ARHGAP44: variants seen among roughly 807,000 people sequenced by gnomAD.
ARHGAP44 encodes the protein Rho GTPase activating protein 44, also known as rho GTPase-activating protein 44.
In ARHGAP44, 43 loss-of-function variants were observed where a neutral mutation model predicts 106.8. The ratio of observed to expected loss-of-function variants is 0.40; its 90% CI spans 0.32 to 0.52. The LOEUF (loss-of-function observed/expected upper bound fraction) is 0.52. Ranked by LOEUF, ARHGAP44 falls within the 20% of genes least tolerant of loss-of-function variation. ARHGAP44 has a pLI of 0.48. For missense variants in ARHGAP44, 866 were observed against 1,050.5 expected (o/e 0.82, Z 2.43); for synonymous variants, 439 against 410.3 (o/e 1.07, Z -0.85).
chr17:12,961,119 G>A (rs944854326), intron 16 of ARHGAP44, among the ~76,000 whole-genome samples: 2 of 152,088 alleles, frequency 1.3e-5, no homozygotes, highest in Admixed American at 1.3e-4. Context: ...CATCCTCTCT[G>A]CCAGATCTGG....
In ARHGAP44 at chr17:12,908,753, A is replaced by G. The variant is rs545154496; in HGVS notation, c.199-144A>G. 7.5e-5 allele frequency: 47 copies of G among 626,892 alleles called. No homozygotes were observed. In the African/African-American group the frequency reaches 8.6e-4, roughly 12 times the overall value. The allele number at this position is 626,892 out of a possible 1,614,324, so 38.8% of individuals were successfully genotyped here. On this transcript the variant is annotated intron_variant, in intron 3 of 20. Transcript: ENST00000379672. Reference sequence around the variant, plus strand: ...GTCTAACCCATCATGGTGCACTATGAATTTCTATGTTTAAACCTATTTTAA... The same window carrying G: ...GTCTAACCCATCATGGTGCACTATGGATTTCTATGTTTAAACCTATTTTAA...
At chr17:12,967,253 T>C (rs1392269181) in intron 16 of ARHGAP44, among the ~76,000 whole-genome samples, 3 of 50,518 alleles carry the variant, frequency 5.9e-5, no homozygotes, top group African/African-American at 5.3e-4. Context: ...TTTTTGCTTT[T>C]TTTTTTTTTT....
intron 7 of ARHGAP44, among the ~76,000 whole-genome samples, chr17:12,937,124 A>AATT (rs1178382717): frequency 6.6e-6 from 1 of 152,036 alleles, no homozygotes; most frequent in Non-Finnish European, 1.5e-5. Flanking sequence ...TTGTTGTTTT[A>AATT]ATTATTATTA....
intron 1 of ARHGAP44, 99 bp from the exon 2 acceptor site, chr17:12,894,841 C>T: frequency 9.3e-7 from 1 of 1,078,542 alleles, no homozygotes; most frequent in East Asian, 2.7e-5. Flanking sequence ...ACTCATGTCT[C>T]TGTTTTTCTG....
intron 1 of ARHGAP44, among the ~76,000 whole-genome samples, chr17:12,818,295 A>G (rs1039428561): frequency 1.8e-4 from 27 of 146,006 alleles, no homozygotes; most frequent in Admixed American, 6.8e-5. Context: ...CCAAACTAGA[A>G]TTATTAGGAA....
At chr17:12,812,936 TATCTG>T (rs2034481679) in intron 1 of ARHGAP44, among the ~76,000 whole-genome samples, 1 of 152,208 alleles carries the variant, frequency 6.6e-6, no homozygotes, top group African/African-American at 2.4e-5. Context: ...AGTCTCTACT[TATCTG>T]GAGTATTGCC....
chr17:12,845,907 T>C (rs188983910), intron 1 of ARHGAP44, among the ~76,000 whole-genome samples: 126 of 152,316 alleles, frequency 8.3e-4, no homozygotes, highest in African/African-American at 2.8e-3. Flanking sequence ...ATGAAGCCCA[T>C]CTCTGTATAT....
intron 8 of ARHGAP44, among the ~76,000 whole-genome samples, chr17:12,941,547 G>A (rs1297723640): frequency 6.6e-6 from 1 of 152,170 alleles, no homozygotes; most frequent in Non-Finnish European, 1.5e-5. Context: ...TGTCAGTAGG[G>A]CTGACATTAA....
At chr17:12,901,080 T>C (rs1808245) in intron 3 of ARHGAP44, among the ~76,000 whole-genome samples, 112,362 of 151,690 alleles carry the variant, frequency 0.74, 41,964 homozygotes, top group East Asian at 0.98. Flanking sequence ...CCTGCCACCA[T>C]GCCCAGCTAA....
chr17:12,809,226 G>C (rs2034366655), intron 1 of ARHGAP44, among the ~76,000 whole-genome samples: 1 of 152,182 alleles, frequency 6.6e-6, no homozygotes, highest in South Asian at 2.1e-4. Context: ...GAGTCCTCCA[G>C]ACTGTTCCAG....
intron 5 of ARHGAP44, among the ~76,000 whole-genome samples, chr17:12,917,621 A>T (rs1372996609): frequency 6.6e-6 from 1 of 152,032 alleles, no homozygotes; most frequent in African/African-American, 2.4e-5. Flanking sequence ...ACACCCTCTC[A>T]GCTACACCCG....
intron 20 of ARHGAP44, 57 bp downstream of exon 20, chr17:12,984,965 A>G: frequency 6.5e-7 from 1 of 1,540,126 alleles, no homozygotes; most frequent in Non-Finnish European, 8.7e-7. Context: ...AAATGTGCCT[A>G]GGGGAGGGAT....
Position 12,908,946 on chromosome 17 carries a change from C to G in ARHGAP44, c.248C>G (p.Ala83Gly). Reference protein sequence around the residue: ...TLAQCLMEGSAILGDDTLLGK... With the variant: ...TLAQCLMEGSGILGDDTLLGK... Reference sequence around the variant, plus strand: ...GCTCAGTGTCTGATGGAGGGGTCAGCTATCCTGGGAGATGACACACTTCTT... The same window carrying G: ...GCTCAGTGTCTGATGGAGGGGTCAGGTATCCTGGGAGATGACACACTTCTT... The change falls in exon 4 of 21, where the codon GCT becomes GGT. Residue 83 changes from alanine to glycine, a missense_variant. Physicochemically the swap from Ala to Gly is moderately conservative, Grantham distance 60. Around this residue, in one of 2 missense-constraint regions of ARHGAP44, gnomAD observed 448 missense variants for 646.9 expected, o/e 0.69. Coordinates refer to ENST00000379672, the MANE Select transcript of ARHGAP44 (RefSeq NM_014859.6). 2 of 1,599,100 alleles carry G rather than the reference C, an allele frequency of 1.3e-6. No homozygotes were observed. Among genetic ancestry groups the G allele is most frequent in the South Asian group, 1.1e-5 (1 of 87,664 alleles).
chr17:12,896,308 G>C, intron 2 of ARHGAP44, 99 bp from the exon 3 acceptor site: 1 of 970,538 alleles, frequency 1.0e-6, no homozygotes, highest in Admixed American at 2.5e-5. Flanking sequence ...AGGAGTCCTT[G>C]TCTCCATGGA....
chr17:12,826,254 C>T (rs892730420), intron 1 of ARHGAP44, among the ~76,000 whole-genome samples: 4 of 152,130 alleles, frequency 2.6e-5, no homozygotes, highest in African/African-American at 9.7e-5. Flanking sequence ...TGATTGGCCC[C>T]AGTGTGTGTT....
At chr17:12,969,470 G>A (rs1449541404) in intron 16 of ARHGAP44, among the ~76,000 whole-genome samples, 1 of 152,148 alleles carries the variant, frequency 6.6e-6, no homozygotes, top group Non-Finnish European at 1.5e-5. Flanking sequence ...ATTTTACAAA[G>A]GATGATTCGA....
intron 13 of ARHGAP44, among the ~76,000 whole-genome samples, chr17:12,954,070 T>TC (rs2039066026): frequency 1.3e-5 from 2 of 151,268 alleles, no homozygotes; most frequent in Admixed American, 6.6e-5. Context: ...GTGTTTTTTT[T>TC]TTTTTTTAGT....
chr17:12,970,697 C>T (rs1293157594), intron 16 of ARHGAP44, among the ~76,000 whole-genome samples: 1 of 152,178 alleles, frequency 6.6e-6, no homozygotes, highest in Non-Finnish European at 1.5e-5. Context: ...TTCTTTATTG[C>T]TCCTTTCTTA....
chr17:12,946,365 G>T (rs1429170317), intron 10 of ARHGAP44, among the ~76,000 whole-genome samples: 1 of 151,782 alleles, frequency 6.6e-6, no homozygotes, highest in African/African-American at 2.4e-5. Flanking sequence ...ATAATTTTTG[G>T]CTGAGCACAG....
Sources: gnomAD v4.1 joint callset for allele counts (sites outside exome capture counted in the v4.1 genomes callset) on GRCh38, gnomAD v4.1.1 for gene constraint, gnomAD v4.1.1 regional missense constraint, MANE v1.5 for transcripts, NCBI Gene and HGNC (gene_info 2026-07-23, HGNC 2026-07-21) for gene names.